The following KAT2B variants were observed in gnomAD, a reference collection of about 807,000 sequenced individuals.
KAT2B encodes the protein histone acetyltransferase KAT2B.
A neutral mutation model predicts 105.9 loss-of-function variants in KAT2B; 36 were observed. That is an observed-to-expected ratio of 0.34 (90% CI 0.26 to 0.45). KAT2B has a LOEUF of 0.45. Among genes scored for constraint, KAT2B ranks in the 20% least tolerant of loss-of-function variants. KAT2B has a pLI of 1.00. For synonymous variants in KAT2B, 397 were observed against 377.9 expected (o/e 1.05, Z -0.59); for missense variants, 820 against 1,021.6 (o/e 0.80, Z 2.69).
At chr3:20,054,273 G>A in intron 1 of KAT2B, among the ~76,000 whole-genome samples, 1 of 151,622 alleles carries the variant, frequency 6.6e-6, no homozygotes, top group African/African-American at 2.4e-5. Flanking sequence ...GGATTACAGG[G>A]GTCTGCCACC....
intron 2 of KAT2B, among the ~76,000 whole-genome samples, chr3:20,079,385 A>G (rs1021848053): frequency 6.6e-6 from 1 of 151,306 alleles, no homozygotes; most frequent in Non-Finnish European, 1.5e-5. Context: ...TTGTGTTTTT[A>G]GTAGAGACGG....
At chr3:20,145,568 T>G (rs915771329) in intron 13 of KAT2B, among the ~76,000 whole-genome samples, 7 of 147,928 alleles carry the variant, frequency 4.7e-5, no homozygotes, top group Non-Finnish European at 1.0e-4. Context: ...TTTTTTTTTT[T>G]TTTTTTTTTT....
chr3:20,141,131 C>T (rs1269494389), intron 13 of KAT2B, among the ~76,000 whole-genome samples: 1 of 152,186 alleles, frequency 6.6e-6, no homozygotes, highest in African/African-American at 2.4e-5. Context: ...ACTTCTCTAG[C>T]ACCAGTTTGA....
At chr3:20,134,483 A>T (rs1410131243) in intron 11 of KAT2B, among the ~76,000 whole-genome samples, 1 of 152,198 alleles carries the variant, frequency 6.6e-6, no homozygotes, top group African/African-American at 2.4e-5. Context: ...ATCTTGGCTC[A>T]CAGCAACCTC....
At chr3:20,126,398 T>C (rs760779027) in intron 10 of KAT2B, among the ~76,000 whole-genome samples, 3 of 152,158 alleles carry the variant, frequency 2.0e-5, no homozygotes, top group Non-Finnish European at 4.4e-5. Flanking sequence ...AACACTAAGA[T>C]GTTCTGCTTT....
intron 2 of KAT2B, among the ~76,000 whole-genome samples, chr3:20,080,633 A>G (rs1698502142): frequency 6.6e-6 from 1 of 152,342 alleles, no homozygotes; most frequent in East Asian, 1.9e-4. Flanking sequence ...CTGGTTGCAT[A>G]TATTTGCAGA....
In KAT2B at chr3:20,126,128, C is replaced by T. The variant is rs1699399844; in HGVS notation, c.1622+15C>T. ...GTCTTTGACCCGTAAGTGGTACTTT[C>T]TGTTCCTTCTTCCTTATTTCCTTTT... is the stretch of plus-strand genomic sequence containing the variant. On this transcript the variant is annotated intron_variant, in intron 10 of 17. Transcript: ENST00000263754. 6.4e-7 allele frequency: 1 copy of T among 1,561,392 alleles called. No homozygotes were observed. The highest frequency in any genetic ancestry group is 1.2e-5 in the South Asian group (1 of 86,530).
intron 6 of KAT2B, among the ~76,000 whole-genome samples, chr3:20,112,100 C>T (rs1305136077): frequency 6.6e-6 from 1 of 151,494 alleles, no homozygotes; most frequent in Non-Finnish European, 1.5e-5. Flanking sequence ...AGCTCTAGGA[C>T]GATGAGGGAG....
chr3:20,121,890 G>T (rs1039273815), intron 8 of KAT2B, among the ~76,000 whole-genome samples: 1 of 151,764 alleles, frequency 6.6e-6, no homozygotes, highest in Non-Finnish European at 1.5e-5. Context: ...GGAAACATAC[G>T]AAATGAATGA....
intron 2 of KAT2B, among the ~76,000 whole-genome samples, chr3:20,092,859 G>T (rs938026158): frequency 6.6e-6 from 1 of 151,898 alleles, no homozygotes; most frequent in Non-Finnish European, 1.5e-5. Context: ...GCACCACCAT[G>T]CCCAGCTAAT....
Position 20,148,492 on chromosome 3 carries a change from T to C in KAT2B, c.2305+5T>C. 6.4e-7 allele frequency: 1 copy of C among 1,559,904 alleles called. No individual in the cohort carries two copies. ...AAGTTATAAGGTTCCCCATGGGTAA[T>C]ACCATTAACATTTTCTAAGTATAGA... On this transcript the variant is annotated splice_donor_5th_base_variant and intron_variant, in intron 17 of 17. Transcript: ENST00000263754.
At position 20,139,902 on chromosome 3, in the gene KAT2B, G is replaced by A. The variant is rs1173016639; in HGVS notation, c.1861-319G>A. Among the ~76,000 whole-genome samples the A allele has an allele frequency of 4.6e-5, 7 of 152,082 alleles. 1 individual carries two copies. The South Asian group carries it at 1.4e-3, about 31-fold the overall frequency. On this transcript the variant is annotated intron_variant, in intron 12 of 17. Transcript: ENST00000263754. Reference sequence around the variant, plus strand: ...CACCACTTTTGGAGAAATTTGCAACGGTCATATTTAATTATGTAATTCAGT... The same window carrying A: ...CACCACTTTTGGAGAAATTTGCAACAGTCATATTTAATTATGTAATTCAGT...
chr3:20,095,535 A>G (rs984464993), intron 3 of KAT2B, 127 bp downstream of exon 3: 3 of 601,770 alleles, frequency 5.0e-6, no homozygotes, highest in East Asian at 2.8e-5. Flanking sequence ...TTGCTGAACA[A>G]TACGTTTCTT....
chr3:20,043,456 G>T (rs897783809), intron 1 of KAT2B, among the ~76,000 whole-genome samples: 1 of 152,180 alleles, frequency 6.6e-6, no homozygotes, highest in Non-Finnish European at 1.5e-5. Context: ...ACCCAGAGCA[G>T]GACAGTTCAT....
chr3:20,134,381 G>A (rs963616479), intron 11 of KAT2B, among the ~76,000 whole-genome samples: 1 of 151,756 alleles, frequency 6.6e-6, no homozygotes, highest in East Asian at 1.9e-4. Context: ...TTTCACTATC[G>A]TTTTGTTTTG....
intron 2 of KAT2B, among the ~76,000 whole-genome samples, chr3:20,080,105 C>T (rs1188066897): frequency 6.6e-6 from 1 of 152,190 alleles, no homozygotes; most frequent in African/African-American, 2.4e-5. Flanking sequence ...GCATACCTGG[C>T]TTTCCCATAA....
At chr3:20,129,869 C>T (rs1699478305) in intron 11 of KAT2B, among the ~76,000 whole-genome samples, 1 of 152,094 alleles carries the variant, frequency 6.6e-6, no homozygotes, top group South Asian at 2.1e-4. Context: ...AAAGTAAGTC[C>T]CTGAAAGGAA....
chr3:20,060,643 G>T (rs9879926), intron 1 of KAT2B, among the ~76,000 whole-genome samples: 1,988 of 152,104 alleles, frequency 0.013, 37 homozygotes, highest in African/African-American at 0.044. Flanking sequence ...CTGTGGTAAT[G>T]CTGGGCATGG....
At chr3:20,111,435 G>A (rs1176963060) in intron 5 of KAT2B, among the ~76,000 whole-genome samples, 161 bp from the exon 6 acceptor site, 1 of 152,182 alleles carries the variant, frequency 6.6e-6, no homozygotes, top group Non-Finnish European at 1.5e-5. Context: ...TAATCTAATT[G>A]CATTCCCAAG....
Sources: allele counts gnomAD v4.1 joint callset (sites outside exome capture counted in the v4.1 genomes callset), GRCh38; gene constraint gnomAD v4.1.1; transcripts MANE v1.5; gene names NCBI Gene and HGNC (gene_info 2026-07-23, HGNC 2026-07-21).